FLRT2: variants seen among roughly 807,000 people sequenced by gnomAD.
FLRT2 encodes the protein leucine-rich repeat transmembrane protein FLRT2.
Under a neutral mutation model 40.0 loss-of-function variants are expected in FLRT2, and 15 were observed. That is an observed-to-expected ratio of 0.38 (90% confidence interval 0.25 to 0.58). The LOEUF is 0.58. Among genes scored for constraint, FLRT2 ranks in the 20% least tolerant of loss-of-function variants. The pLI is 0.71. For missense variants in FLRT2, 726 were observed against 840.0 expected (o/e 0.86, Z 1.68); for synonymous variants, 380 against 336.8 (o/e 1.13, Z -1.41).
At chr14:85,555,963 A>T (rs528334811) in intron 1 of FLRT2, among the ~76,000 whole-genome samples, 1 of 152,294 alleles carries the variant, frequency 6.6e-6, no homozygotes, top group Admixed American at 6.5e-5. Context: ...AGAAATAAGC[A>T]TTAAGACGTA....
rs1377555644 is a variant in FLRT2 at position 85,651,208 on chromosome 14, C to T, written c.*27711C>T. On this transcript the variant is annotated 3_prime_UTR_variant, in exon 2 of 2. Transcript: ENST00000330753. ...TATAGATATCTTTAATTACATATTTCTAAATTATTTTCATTTAAGTCAAAG... is the reference window on the plus strand; with the variant it reads ...TATAGATATCTTTAATTACATATTTTTAAATTATTTTCATTTAAGTCAAAG... 1.3e-5 allele frequency: 2 copies of T among 151,428 alleles called. No individual in the cohort carries two copies. Among genetic ancestry groups the T allele is most frequent in the African/African-American group, 4.9e-5 (2 of 41,184 alleles). The allele number at this position is 151,428 out of a possible 1,614,324, so 9.4% of individuals were successfully genotyped here.
At position 85,538,703 on chromosome 14, in the gene FLRT2, TTGAA is replaced by T. The variant is rs1217449622; in HGVS notation, c.-377+8170_-377+8173del. 2.6e-5 allele frequency among the ~76,000 whole-genome samples: 4 copies of T among 152,194 alleles called. No homozygotes were observed. The East Asian group carries it at 7.8e-4, about 30-fold the overall frequency. ...TAGATGATATTAGGCCTCAGAACAA[TTGAA>T]ACCACCTTCAGCAGGGAGCAAAAGA... On this transcript the variant is annotated intron_variant, in intron 1 of 1. Coordinates refer to ENST00000330753, the MANE Select transcript of FLRT2 (RefSeq NM_013231.6).
In FLRT2 at chr14:85,639,049, T is replaced by C. The variant is rs1894080806; in HGVS notation, c.*15552T>C. On this transcript the variant is annotated 3_prime_UTR_variant, in exon 2 of 2. Transcript: ENST00000330753. ...AACGATTAGTGCATTAGGATAAGTG[T>C]CGTCTCTTGTAGATAGATAAAAACT... The C allele has an allele frequency of 6.6e-6, 1 of 152,334 alleles. No individual in the cohort carries two copies. The highest frequency in any genetic ancestry group is 1.5e-5 in the Non-Finnish European group (1 of 68,028). 9.4% of individuals were successfully genotyped at this position (152,334 alleles called of 1,614,324 possible).
intron 1 of FLRT2, among the ~76,000 whole-genome samples, chr14:85,576,915 T>A (rs1418717495): frequency 6.6e-6 from 1 of 152,200 alleles, no homozygotes; most frequent in Non-Finnish European, 1.5e-5. Context: ...TGTGCACACG[T>A]TTTGTATTTC....
At chr14:85,569,828 A>T (rs1890807304) in intron 1 of FLRT2, among the ~76,000 whole-genome samples, 1 of 152,172 alleles carries the variant, frequency 6.6e-6, no homozygotes. Context: ...TTAGCCAAAA[A>T]AATGATGACA....
Position 85,621,627 on chromosome 14 carries a change from G to A in FLRT2, c.113G>A (p.Ser38Asn). 1.2e-6 allele frequency: 2 copies of A among 1,614,092 alleles called. No homozygotes were observed. Among genetic ancestry groups the A allele is most frequent in the Non-Finnish European group, 1.7e-6 (2 of 1,180,036 alleles). Residue 38 changes from serine (S) to asparagine (N), a missense_variant, in exon 2 of 2, where the codon AGT (serine) becomes AAT (asparagine). By Grantham distance (46) the Ser-to-Asn change is conservative. Transcript: ENST00000330753. ...GTGTCCAAACTCCTGGCCTGCCCTA[G>A]TGTGTGCCGCTGCGACAGGAACTTT... ...SQVSKLLACP[S>N]VCRCDRNFVY...
At chr14:85,597,543 G>T (rs1340733564) in intron 1 of FLRT2, among the ~76,000 whole-genome samples, 1 of 152,166 alleles carries the variant, frequency 6.6e-6, no homozygotes, top group East Asian at 1.9e-4. Context: ...GAAGTAACAA[G>T]ATGTGGTCAA....
chr14:85,589,426 T>G (rs938752910), intron 1 of FLRT2, among the ~76,000 whole-genome samples: 3 of 152,244 alleles, frequency 2.0e-5, no homozygotes, highest in Non-Finnish European at 4.4e-5. Flanking sequence ...GAGAAATGTC[T>G]GTCCAAATCT....
At chr14:85,539,760 T>C (rs1888874983) in intron 1 of FLRT2, among the ~76,000 whole-genome samples, 1 of 152,172 alleles carries the variant, frequency 6.6e-6, no homozygotes, top group African/African-American at 2.4e-5. Context: ...TTGATAACAT[T>C]TATCACTGCA....
chr14:85,583,712 G>T (rs1031386990), intron 1 of FLRT2, among the ~76,000 whole-genome samples: 1 of 152,204 alleles, frequency 6.6e-6, no homozygotes, highest in Non-Finnish European at 1.5e-5. Context: ...AGTGCTGCAT[G>T]TTGATTGCCA....
In FLRT2 at chr14:85,635,302, G is replaced by A. The variant is rs1161854450; in HGVS notation, c.*11805G>A. On this transcript the variant is annotated 3_prime_UTR_variant, in exon 2 of 2. Transcript: ENST00000330753. The stretch of plus-strand genomic sequence containing the variant: ...AATTTATATCATCTTCACTTCAGTG[G>A]TTGGCATATATTCAAACCCATTATG... 2.0e-5 allele frequency: 3 copies of A among 151,984 alleles called. No individual in the cohort carries two copies. Among genetic ancestry groups the A allele is most frequent in the Non-Finnish European group, 4.4e-5 (3 of 67,980 alleles). 9.4% of individuals were successfully genotyped at this position (151,984 alleles called of 1,614,324 possible).
intron 1 of FLRT2, among the ~76,000 whole-genome samples, chr14:85,536,580 C>T (rs1044231087): frequency 1.3e-5 from 2 of 151,354 alleles, no homozygotes; most frequent in African/African-American, 4.9e-5. Flanking sequence ...ATTTCTGCTA[C>T]AGTGATTCAA....
In FLRT2 at chr14:85,643,827, G is replaced by A. The variant is rs1457507760; in HGVS notation, c.*20330G>A. On this transcript the variant is annotated 3_prime_UTR_variant, in exon 2 of 2. Transcript: ENST00000330753. ...GGGTTGGTGGAATCCTGGAGTGACA[G>A]AGAACAAACGACAACATTTAGTCCA... The A allele has an allele frequency of 6.6e-6, 1 of 152,226 alleles. No homozygotes were observed. The highest frequency in any genetic ancestry group is 1.5e-5 in the Non-Finnish European group (1 of 68,060). The allele number at this position is 152,226 out of a possible 1,614,324, so 9.4% of individuals were successfully genotyped here.
At chr14:85,605,940 C>A (rs1248364082) in intron 1 of FLRT2, among the ~76,000 whole-genome samples, 1 of 152,038 alleles carries the variant, frequency 6.6e-6, no homozygotes, top group Non-Finnish European at 1.5e-5. Flanking sequence ...TTCCAGTTTG[C>A]TTTATTATAT....
At chr14:85,535,892 G>GTTTTTTTTTTT (rs71454768) in intron 1 of FLRT2, among the ~76,000 whole-genome samples, 8 of 57,888 alleles carry the variant, frequency 1.4e-4, no homozygotes, top group Non-Finnish European at 2.4e-4. Context: ...AAGGAATGCT[G>GTTTTTTTTTTT]TTTTTTTTTT....
At chr14:85,532,149 G>A (rs1888324306) in intron 1 of FLRT2, among the ~76,000 whole-genome samples, 1 of 152,226 alleles carries the variant, frequency 6.6e-6, no homozygotes, top group African/African-American at 2.4e-5. Flanking sequence ...AGCCTGTGGC[G>A]GCCACTGCCC....
At chr14:85,594,017 A>T (rs1892022755) in intron 1 of FLRT2, among the ~76,000 whole-genome samples, 1 of 151,752 alleles carries the variant, frequency 6.6e-6, no homozygotes. Flanking sequence ...ACTGCAGTCT[A>T]GGTGACAGAG....
Position 85,622,946 on chromosome 14 carries a change from C to T in FLRT2, c.1432C>T (p.Leu478=). ...ERIVSGEKQH[L]SLVNLEPRST... is the part of the protein sequence containing the mutation. ...CATAGTCAGCGGTGAGAAGCAACACCTGAGCCTGGTTAACTTAGAGCCCCG... is the reference window on the plus strand; with the variant it reads ...CATAGTCAGCGGTGAGAAGCAACACTTGAGCCTGGTTAACTTAGAGCCCCG... The change falls in exon 2 of 2, where the codon CTG becomes TTG. Residue 478 remains leucine (L), a synonymous_variant. Transcript: ENST00000330753. The T allele has an allele frequency of 6.2e-7, 1 of 1,614,162 alleles. No homozygotes were observed.
chr14:85,611,345 T>G (rs756880284), intron 1 of FLRT2, among the ~76,000 whole-genome samples: 25 of 152,340 alleles, frequency 1.6e-4, no homozygotes, highest in Non-Finnish European at 3.2e-4. Context: ...CTGATACACT[T>G]CACTTGGTTT....
Sources: allele counts gnomAD v4.1 joint callset (sites outside exome capture counted in the v4.1 genomes callset), GRCh38; gene constraint gnomAD v4.1.1; transcripts MANE v1.5; gene names NCBI Gene and HGNC (gene_info 2026-07-23, HGNC 2026-07-21).